CNKSR1: variants seen among roughly 807,000 people sequenced by gnomAD.
CNKSR1 encodes connector enhancer of kinase suppressor of Ras 1.
Under a neutral mutation model 95.6 loss-of-function variants are expected in CNKSR1, and 88 were observed. That is an observed-to-expected ratio of 0.92 (90% confidence interval 0.78 to 1.10). The LOEUF (loss-of-function observed/expected upper bound fraction) is 1.10, where lower values mean the gene tolerates loss of function less well. CNKSR1 is among the 50% of genes least tolerant of loss of function. The probability of loss-of-function intolerance (pLI) is 0.00; values close to 1 mark genes in which losing one functional copy is unlikely to be tolerated. For missense variants in CNKSR1, 836 were observed against 912.0 expected, an observed-to-expected ratio of 0.92 and a Z score of 1.07; for synonymous variants, 355 against 369.7, an observed-to-expected ratio of 0.96 and a Z score of 0.46.
At chr1:26,178,566 G>A (rs2088598338) in intron 1 of CNKSR1, among the ~76,000 whole-genome samples, 1 of 152,198 alleles carries the variant, frequency 6.6e-6, no homozygotes, top group African/African-American at 2.4e-5. Context: ...CCCAGAGTGG[G>A]GAGCTGGAGC....
chr1:26,189,099 A>C, intron 20 of CNKSR1, 146 bp downstream of exon 20: 1 of 1,275,440 alleles, frequency 7.8e-7, no homozygotes, highest in Non-Finnish European at 1.1e-6. Flanking sequence ...CAGCGGGCTC[A>C]GCTGTGGACT....
intron 6 of CNKSR1, among the ~76,000 whole-genome samples, 200 bp downstream of exon 6, chr1:26,182,784 G>T (rs1463250119): frequency 1.3e-5 from 2 of 152,216 alleles, no homozygotes; most frequent in Non-Finnish European, 2.9e-5. Flanking sequence ...GGGCCACGCG[G>T]GTGTGGCCTC....
intron 1 of CNKSR1, 197 bp from the exon 2 acceptor site, chr1:26,180,256 A>C: frequency 1.5e-6 from 1 of 652,920 alleles, no homozygotes; most frequent in South Asian, 1.9e-5. Flanking sequence ...TCTGGGGGCC[A>C]CTTTTAAGAA....
intron 14 of CNKSR1, chr1:26,186,802 C>CT (rs999594336): frequency 1.5e-5 from 4 of 271,928 alleles, no homozygotes; most frequent in Middle Eastern, 1.3e-3. Flanking sequence ...TAGAAATGGG[C>CT]TTTTTTCCCA....
intron 13 of CNKSR1, 129 bp from the exon 14 acceptor site, chr1:26,184,885 C>T (rs1243511263): frequency 5.1e-6 from 5 of 987,226 alleles, no homozygotes; most frequent in Non-Finnish European, 7.4e-6. Context: ...AGAGATGACA[C>T]ATGTAGCATT....
intron 3 of CNKSR1, among the ~76,000 whole-genome samples, chr1:26,181,316 G>T (rs2088643438): frequency 6.7e-6 from 1 of 149,864 alleles, no homozygotes; most frequent in South Asian, 2.1e-4. Flanking sequence ...ATATGGTGGA[G>T]CAGGGCAGAG....
Position 26,184,276 on chromosome 1 carries a change from C to G in CNKSR1, c.989C>G (p.Pro330Arg), listed in dbSNP as rs747196702. 1.7e-5 allele frequency: 28 copies of G among 1,613,752 alleles called. No individual in the cohort carries two copies. The highest frequency in any genetic ancestry group is 2.1e-5 in the Non-Finnish European group (25 of 1,179,946). Residue 330 changes from proline (P) to arginine (R), a missense_variant, in exon 11 of 21, where the codon CCT becomes CGT. Coordinates refer to ENST00000361530, the MANE Select transcript of CNKSR1 (RefSeq NM_006314.3). ...TCAAACCCCAGTCCCGGACCCAGCC[C>G]TGCCTGGACAGGTAGTCTCAAAGCT... ...LSSNPSPGPS[P>R]AWTDSASLGP...
Position 26,183,575 on chromosome 1 carries a change from A to AT in CNKSR1, c.754-154_754-153insT. The stretch of plus-strand genomic sequence containing the variant: ...GGTGAGAGCATCCTCTGCAGAGCCC[A>AT]GGTGATGGGGCCCATGGAAGCCCCC... On this transcript the variant is annotated intron_variant, in intron 8 of 20. Coordinates refer to ENST00000361530, the MANE Select transcript of CNKSR1 (RefSeq NM_006314.3). The AT allele has an allele frequency of 3.0e-6, 3 of 1,013,362 alleles. No homozygotes were observed. The East Asian group carries it at 7.2e-5, about 24-fold the overall frequency. The allele number at this position is 1,013,362 out of a possible 1,614,324, so 62.8% of individuals were successfully genotyped here. A position where few individuals can be genotyped will look rare whatever the true frequency, so the allele number is the denominator to read the frequency against.
intron 1 of CNKSR1, among the ~76,000 whole-genome samples, chr1:26,177,800 C>G (rs2088586021): frequency 6.6e-6 from 1 of 152,134 alleles, no homozygotes; most frequent in South Asian, 2.1e-4. Context: ...AACCCCGTCT[C>G]TACTAAAAAT....
rs1013398188 is a variant in CNKSR1 at position 26,188,790 on chromosome 1, T to G, written c.1709T>G (p.Leu570Arg). 2 of 1,609,604 alleles carry G rather than the reference T, an allele frequency of 1.2e-6. No individual in the cohort carries two copies. Among genetic ancestry groups the G allele is most frequent in the Non-Finnish European group, 1.7e-6 (2 of 1,176,934 alleles). Residue 570 changes from leucine to arginine, a missense_variant, in exon 20 of 21, where the codon CTG becomes CGG. Physicochemically the swap from Leu to Arg is moderately radical, Grantham distance 102 (BLOSUM62 -2). Transcript: ENST00000361530. ...GSLTDSSEEA[L>R]EGMVRGLRQG... ...CCCACAGACAGCAGTGAAGAGGCAC[T>G]GGAAGGAATGGTACGGGGGCTGAGG...
chr1:26,183,000 G>T (rs965039501), intron 6 of CNKSR1, among the ~76,000 whole-genome samples, 197 bp from the exon 7 acceptor site: 2 of 152,114 alleles, frequency 1.3e-5, no homozygotes, highest in Admixed American at 1.3e-4. Flanking sequence ...GCTTCCCTCT[G>T]GCTCTTAGCA....
chr1:26,183,643 A>T, intron 8 of CNKSR1, 86 bp from the exon 9 acceptor site: 1 of 1,125,766 alleles, frequency 8.9e-7, no homozygotes, highest in Non-Finnish European at 1.4e-6. Context: ...AGGCTGAGAG[A>T]GAGCTCCCAG....
Position 26,184,068 on chromosome 1 carries a change from C to A in CNKSR1, c.856-3C>A. 1 of 1,610,450 alleles carries A rather than the reference C, an allele frequency of 6.2e-7. No individual in the cohort carries two copies. On this transcript the variant is annotated splice_polypyrimidine_tract_variant and splice_region_variant and intron_variant, in intron 9 of 20. Coordinates refer to ENST00000361530, the MANE Select transcript of CNKSR1 (RefSeq NM_006314.3). ...CATTGCTTTGTTCCTGGTTGTTCCC[C>A]AGACGCCCCCTCAGGTCCTGGACTC...
chr1:26,186,960 T>G (rs1214171542), intron 14 of CNKSR1: 3 of 556,856 alleles, frequency 5.4e-6, no homozygotes, highest in African/African-American at 1.9e-5. Context: ...GGCTCCCCTT[T>G]CCTGGCTTAG....
intron 6 of CNKSR1, 46 bp from the exon 7 acceptor site, chr1:26,183,151 C>T (rs775755436): frequency 1.8e-5 from 29 of 1,591,514 alleles, no homozygotes; most frequent in Non-Finnish European, 2.4e-5. Context: ...GCCTATTGGC[C>T]CTGTTGCCCC....
chr1:26,187,697 A>G (rs1486281052), intron 16 of CNKSR1, among the ~76,000 whole-genome samples: 1 of 142,090 alleles, frequency 7.0e-6, no homozygotes, highest in Non-Finnish European at 1.5e-5. Flanking sequence ...ATCTTGGCTC[A>G]CTGCAATCTC....
In CNKSR1 at chr1:26,188,954, G is replaced by C. The variant is rs1301624747; in HGVS notation, c.1872+1G>C. ...GCGGGCGCTACAGAGCACACTCAAG[G>C]TCAGCTGGGGGGCTCTGGGCACAGC... On this transcript the variant is annotated splice_donor_variant, in intron 20 of 20. Transcript: ENST00000361530. LOFTEE classifies it high-confidence loss of function. 6.2e-7 allele frequency: 1 copy of C among 1,612,990 alleles called. No homozygotes were observed. The highest frequency in any genetic ancestry group is 1.7e-5 in the Admixed American group (1 of 60,000).
intron 1 of CNKSR1, among the ~76,000 whole-genome samples, chr1:26,178,765 T>C (rs2088600547): frequency 6.6e-6 from 1 of 152,154 alleles, no homozygotes; most frequent in South Asian, 2.1e-4. Context: ...AGTGAGACAA[T>C]CATGACATAG....
chr1:26,180,533 A>T lies in CNKSR1; in HGVS notation c.133A>T (p.Ser45Cys). The change falls in exon 2 of 21, where the codon AGC (serine) becomes TGC (cysteine). Residue 45 changes from serine (S) to cysteine (C), a missense_variant. Physicochemically the swap from Ser to Cys is moderately radical, Grantham distance 112. Transcript: ENST00000361530. The part of the protein sequence containing the change: ...GKNLLQLCPQ[S>C]LEALAVRSLG... ...GAACCTGCTCCAGCTCTGCCCCCAA[A>T]GCCTCGAGGCTCTGGCTGTGCGGTC... The T allele has an allele frequency of 6.2e-7, 1 of 1,614,142 alleles. No homozygotes were observed. The highest frequency in any genetic ancestry group is 8.5e-7 in the Non-Finnish European group (1 of 1,180,028).
Sources: allele counts gnomAD v4.1 joint callset (sites outside exome capture counted in the v4.1 genomes callset), GRCh38; gene constraint gnomAD v4.1.1; transcripts MANE v1.5; gene names NCBI Gene and HGNC (gene_info 2026-07-23, HGNC 2026-07-21).